LRRC9: variants seen among roughly 807,000 people sequenced by gnomAD.
LRRC9 encodes leucine-rich repeat-containing protein 9.
LRRC9 carries 122 observed loss-of-function variants against 63.2 expected under a neutral mutation model. That is an observed-to-expected ratio of 1.93 (90% CI 1.67 to 2.24). The LOEUF is 2.24. Ranked by LOEUF, LRRC9 falls within the 30% of genes most tolerant of loss-of-function variation. The pLI is 0.00. For synonymous variants in LRRC9, 366 were observed against 213.1 expected (o/e 1.72, Z -6.25); for missense variants, 1,071 against 627.7 (o/e 1.71, Z -7.55).
Position 60,004,244 on chromosome 14 carries a change from G to C in LRRC9, c.2842+446G>C, listed in dbSNP as rs1266938167. Among the ~76,000 whole-genome samples the C allele has an allele frequency of 6.6e-6, 1 of 152,048 alleles. No homozygotes were observed. The highest frequency in any genetic ancestry group is 1.5e-5 in the Non-Finnish European group (1 of 67,980). On this transcript the variant is annotated intron_variant, in intron 21 of 31. Coordinates refer to ENST00000445360, the Ensembl canonical transcript of LRRC9. This position sits in a 1 kb window ranked among gnomAD's most constrained non-coding sequence, Gnocchi z 4.8. The stretch of plus-strand genomic sequence containing the variant: ...ACCAACTAGTTAGTCATTAATGTCT[G>C]TAAAGTTGAGTAAACAAATGAATGA...
chr14:59,982,196 C>G, intron 16 of LRRC9, 136 bp downstream of exon 16: 2 of 571,820 alleles, frequency 3.5e-6, no homozygotes, highest in Non-Finnish European at 6.1e-6. Context: ...GTCCATTTCT[C>G]TTTTTCTACT....
exon 12 of LRRC9, chr14:59,967,182 A>G: frequency 1.6e-6 from 1 of 629,138 alleles, no homozygotes; most frequent in Non-Finnish European, 3.0e-6. Flanking sequence ...CAAATACTTG[A>G]AAAAGGATTC....
chr14:60,064,815 AAT>A (rs1232838918), downstream of LRRC9, among the ~76,000 whole-genome samples: 1 of 152,218 alleles, frequency 6.6e-6, no homozygotes, highest in Non-Finnish European at 1.5e-5. Context: ...GTATAAATTA[AAT>A]GCTGAATATA....
intron 19 of LRRC9, among the ~76,000 whole-genome samples, chr14:59,999,774 A>C (rs1402774117): frequency 6.6e-6 from 1 of 152,106 alleles, no homozygotes; most frequent in Non-Finnish European, 1.5e-5. Flanking sequence ...TCTGAATATT[A>C]ATTCCTTAGG....
In LRRC9 at chr14:59,936,912, C is replaced by G. The variant is rs1890180796; in HGVS notation, c.544-1478C>G. On this transcript the variant is annotated intron_variant, in intron 6 of 31. Transcript: ENST00000445360. This position sits in a 1 kb window ranked among gnomAD's most constrained non-coding sequence, Gnocchi z 4.2. Reference sequence around the variant, plus strand: ...GCTTTAGACCTAATGCTTCCTAGTTCTTCCTTTGGATTTCCCTTAACTCTG... The same window carrying G: ...GCTTTAGACCTAATGCTTCCTAGTTGTTCCTTTGGATTTCCCTTAACTCTG... Among the ~76,000 whole-genome samples the G allele has an allele frequency of 6.6e-6, 1 of 152,140 alleles. No individual in the cohort carries two copies. Among genetic ancestry groups the G allele is most frequent in the South Asian group, 2.1e-4 (1 of 4,834 alleles).
intron 23 of LRRC9, among the ~76,000 whole-genome samples, chr14:60,015,828 TGAA>T (rs771905069): frequency 6.6e-6 from 1 of 152,118 alleles, no homozygotes; most frequent in Non-Finnish European, 1.5e-5. Context: ...AGGTGGATGA[TGAA>T]GAAGTGCCTT....
In LRRC9 at chr14:60,060,634, G is replaced by A. The variant is rs1322596270; in HGVS notation, c.4276+2612G>A. 3.3e-5 allele frequency among the ~76,000 whole-genome samples: 5 copies of A among 152,048 alleles called. No homozygotes were observed. Among genetic ancestry groups the A allele is most frequent in the African/African-American group, 7.2e-5 (3 of 41,396 alleles). On this transcript the variant is annotated intron_variant, in intron 31 of 31. Transcript: ENST00000445360. The surrounding 1 kb of genome is among the most constrained non-coding windows in gnomAD (Gnocchi z 4.0). ...CGGGCGCCTGTAGTCCCAGCTACTC[G>A]GGAGGCTGAGTCAAGAGAATGGCAT...
rs923830480 is a variant in LRRC9 at position 60,031,199 on chromosome 14, A to G, written c.3922-796A>G. ...TTTATGATACTTCCAAAATTAAAATAGTAAAGATCAGTCATTTTAAAAATC... is the reference window on the plus strand; with the variant it reads ...TTTATGATACTTCCAAAATTAAAATGGTAAAGATCAGTCATTTTAAAAATC... On this transcript the variant is annotated intron_variant, in intron 28 of 31. Coordinates refer to ENST00000445360, the Ensembl canonical transcript of LRRC9. This position sits in a 1 kb window ranked among gnomAD's most constrained non-coding sequence, Gnocchi z 4.6. Among the ~76,000 whole-genome samples, 9 of 152,110 alleles carry G rather than the reference A, an allele frequency of 5.9e-5. No homozygotes were observed. Among genetic ancestry groups the G allele is most frequent in the African/African-American group, 1.9e-4 (8 of 41,468 alleles).
intron 29 of LRRC9, among the ~76,000 whole-genome samples, chr14:60,034,021 T>TC (rs1892218576): frequency 5.0e-5 from 7 of 141,290 alleles, no homozygotes; most frequent in Admixed American, 1.4e-4. Flanking sequence ...CTTTCTTTTT[T>TC]TTTTTTTTTT....
intron 1 of LRRC9, among the ~76,000 whole-genome samples, chr14:59,926,435 G>A (rs1029050851): frequency 2.0e-5 from 3 of 151,952 alleles, no homozygotes; most frequent in Non-Finnish European, 4.4e-5. Context: ...GAATAAAAAT[G>A]AGCATATAAA....
chr14:59,951,725 C>A (rs899691845), intron 8 of LRRC9, among the ~76,000 whole-genome samples: 1 of 151,092 alleles, frequency 6.6e-6, no homozygotes, highest in Non-Finnish European at 1.5e-5. Flanking sequence ...CAGACAGGAC[C>A]CTCAGCTGCA....
At chr14:59,948,367 A>G (rs1187497526) in intron 8 of LRRC9, among the ~76,000 whole-genome samples, 2 of 143,802 alleles carry the variant, frequency 1.4e-5, no homozygotes, top group Non-Finnish European at 3.0e-5. Context: ...TTGTATCCTG[A>G]GACTTTGCTG....
chr14:60,030,583 A>G (rs898473535), intron 28 of LRRC9, among the ~76,000 whole-genome samples: 4 of 152,000 alleles, frequency 2.6e-5, no homozygotes, highest in East Asian at 1.9e-4. Context: ...AAAGGCCCCA[A>G]TCCAGGCACA....
chr14:59,938,825 G>A lies in LRRC9; in HGVS notation c.726+253G>A, dbSNP rs559608041. ...AATGTTTCTAATCTATACAAAACAA[G>A]AAGGAAATTGAAAAAAAATCAGTGT... On this transcript the variant is annotated intron_variant, in intron 7 of 31. Transcript: ENST00000445360. The surrounding 1 kb of genome is among the most constrained non-coding windows in gnomAD (Gnocchi z 4.2). Among the ~76,000 whole-genome samples the A allele has an allele frequency of 2.7e-4, 39 of 146,630 alleles. 2 individuals are homozygous for A. Among genetic ancestry groups the A allele is most frequent in the Admixed American group, 1.0e-3 (15 of 14,460 alleles).
At chr14:59,980,380 T>C (rs1419846388) in intron 15 of LRRC9, among the ~76,000 whole-genome samples, 1 of 152,228 alleles carries the variant, frequency 6.6e-6, no homozygotes, top group Admixed American at 6.5e-5. Flanking sequence ...ATATTTGTTT[T>C]GGTTATTACA....
chr14:60,029,291 C>T (rs1022576885), intron 28 of LRRC9, among the ~76,000 whole-genome samples: 1 of 152,078 alleles, frequency 6.6e-6, no homozygotes, highest in Non-Finnish European at 1.5e-5. Context: ...TGCCTAGTGC[C>T]TTCTCAGGCC....
chr14:59,926,196 C>A (rs1306090849), intron 1 of LRRC9, among the ~76,000 whole-genome samples: 1 of 152,116 alleles, frequency 6.6e-6, no homozygotes, highest in Non-Finnish European at 1.5e-5. Context: ...GCTTTTTTCT[C>A]AATCTGATGT....
chr14:59,975,077 T>C (rs1224490462), intron 13 of LRRC9, among the ~76,000 whole-genome samples: 1 of 91,848 alleles, frequency 1.1e-5, no homozygotes, highest in African/African-American at 3.6e-5. Flanking sequence ...TGTGTGTGTG[T>C]GTGTGTGTAG....
At chr14:59,981,853 G>C (rs1886963363) in exon 16 of LRRC9, 1 of 692,558 alleles carries the variant, frequency 1.4e-6, no homozygotes, top group Non-Finnish European at 2.6e-6. Flanking sequence ...TTTAGGTCAA[G>C]GCACCCTCTT....
Sources: gnomAD v4.1 joint callset for allele counts (sites outside exome capture counted in the v4.1 genomes callset) on GRCh38, gnomAD v4.1.1 for gene constraint, Gnocchi (gnomAD v3.1) non-coding constraint, MANE v1.5 for transcripts, NCBI Gene and HGNC (gene_info 2026-07-23, HGNC 2026-07-21) for gene names.